The following DISC1 variants were observed in gnomAD, a reference collection of about 807,000 sequenced individuals.
The protein encoded by DISC1 is DISC1 scaffold protein.
A neutral mutation model predicts 84.5 loss-of-function variants in DISC1; 57 were observed. That is an observed-to-expected ratio of 0.67 (90% CI 0.55 to 0.84). The LOEUF (loss-of-function observed/expected upper bound fraction) is 0.84, where lower values mean the gene tolerates loss of function less well. Among genes scored for constraint, DISC1 ranks in the 40% least tolerant of loss-of-function variants. The probability of loss-of-function intolerance (pLI) is 0.00; values close to 1 mark genes in which losing one functional copy is unlikely to be tolerated. For synonymous variants in DISC1, 411 were observed against 415.2 expected, an observed-to-expected ratio of 0.99 and a Z score of 0.12; for missense variants, 1,000 against 1,057.8, an observed-to-expected ratio of 0.95 and a Z score of 0.76.
intron 4 of DISC1, among the ~76,000 whole-genome samples, chr1:231,757,881 G>A (rs534340762): frequency 4.0e-5 from 6 of 151,856 alleles, no homozygotes; most frequent in South Asian, 4.2e-4. Context: ...CCAATCCCTC[G>A]GCCTCCCTCC....
At chr1:231,650,214 C>G (rs1572502055) in intron 1 of DISC1, among the ~76,000 whole-genome samples, 1 of 152,172 alleles carries the variant, frequency 6.6e-6, no homozygotes, top group African/African-American at 2.4e-5. Context: ...TTGTTCCTTT[C>G]CATGTTTAGT....
rs374290063 is a variant in DISC1 at position 231,693,854 on chromosome 1, G to T, written c.96G>T (p.Ala32=). 7 of 1,613,804 alleles carry T rather than the reference G, an allele frequency of 4.3e-6. No homozygotes were observed. Among genetic ancestry groups the T allele is most frequent in the Non-Finnish European group, 4.2e-6 (5 of 1,180,032 alleles). ...GCCGGGATTGCTTACCACCTGCAGCGTGCTTTCGGAGGCGGCGGCTGGCAC... is the reference window on the plus strand; with the variant it reads ...GCCGGGATTGCTTACCACCTGCAGCTTGCTTTCGGAGGCGGCGGCTGGCAC... ...AGSRDCLPPA[A]CFRRRRLARR... is the part of the protein sequence containing the mutation. The change falls in exon 2 of 13, where the codon GCG becomes GCT. Residue 32 remains alanine (A), a synonymous_variant. Coordinates refer to ENST00000439617, the MANE Select transcript of DISC1 (RefSeq NM_018662.3).
chr1:231,924,972 T>A (rs63187660), intron 9 of DISC1, among the ~76,000 whole-genome samples: 13 of 134,942 alleles, frequency 9.6e-5, no homozygotes, highest in East Asian at 2.5e-4. Flanking sequence ...TTTTTTTTTT[T>A]AAATGATTCT....
At chr1:231,916,418 G>T (rs986824229) in intron 9 of DISC1, among the ~76,000 whole-genome samples, 1 of 151,944 alleles carries the variant, frequency 6.6e-6, no homozygotes, top group Non-Finnish European at 1.5e-5. Context: ...ACTTTGGGAG[G>T]CCGAGGCGGG....
chr1:231,878,095 T>A (rs2086026439), intron 9 of DISC1, among the ~76,000 whole-genome samples: 1 of 152,262 alleles, frequency 6.6e-6, no homozygotes, highest in Non-Finnish European at 1.5e-5. Flanking sequence ...CAGTTCATTC[T>A]TTTATTAATA....
intron 11 of DISC1, among the ~76,000 whole-genome samples, chr1:232,022,192 C>A (rs201482306): frequency 7.2e-5 from 11 of 152,124 alleles, no homozygotes; most frequent in Non-Finnish European, 1.5e-4. Flanking sequence ...TATGACCACA[C>A]CTACACTCTG....
intron 9 of DISC1, among the ~76,000 whole-genome samples, chr1:231,848,126 A>G (rs1056066131): frequency 2.0e-5 from 3 of 152,092 alleles, no homozygotes; most frequent in African/African-American, 7.2e-5. Context: ...GATTGTTTTA[A>G]CAAGCAGATG....
At chr1:231,673,781 G>C (rs369777696) in intron 1 of DISC1, among the ~76,000 whole-genome samples, 2 of 152,334 alleles carry the variant, frequency 1.3e-5, no homozygotes, top group South Asian at 2.1e-4. Flanking sequence ...CTCTTAGTAG[G>C]CTGGTTATTC....
intron 10 of DISC1, among the ~76,000 whole-genome samples, chr1:232,003,081 A>C (rs1294264877): frequency 6.6e-6 from 1 of 152,188 alleles, no homozygotes; most frequent in Non-Finnish European, 1.5e-5. Flanking sequence ...AAAATAGAAA[A>C]AAAGAAGGGA....
chr1:231,770,077 T>C (rs1035612687), intron 5 of DISC1, among the ~76,000 whole-genome samples: 1 of 152,048 alleles, frequency 6.6e-6, no homozygotes, highest in African/African-American at 2.4e-5. Flanking sequence ...AGGATTAGAG[T>C]TGCACTCTTA....
At chr1:231,876,369 A>G (rs1180720182) in intron 9 of DISC1, among the ~76,000 whole-genome samples, 7 of 152,162 alleles carry the variant, frequency 4.6e-5, no homozygotes, top group Non-Finnish European at 2.9e-5. Context: ...CCCAGAAACC[A>G]AGGAGATGCC....
At chr1:231,703,907 T>G (rs2066718401) in intron 3 of DISC1, among the ~76,000 whole-genome samples, 1 of 152,118 alleles carries the variant, frequency 6.6e-6, no homozygotes, top group Admixed American at 6.5e-5. Context: ...AAAACACTGG[T>G]GCAGAGTTTA....
At chr1:231,799,524 A>G (rs1197486689) in intron 7 of DISC1, among the ~76,000 whole-genome samples, 1 of 151,870 alleles carries the variant, frequency 6.6e-6, no homozygotes, top group Admixed American at 6.6e-5. Context: ...AAGCGGAGGG[A>G]GGGCCAAGGG....
intron 1 of DISC1, among the ~76,000 whole-genome samples, chr1:231,656,483 A>G (rs921815861): frequency 6.6e-6 from 1 of 152,170 alleles, no homozygotes; most frequent in African/African-American, 2.4e-5. Flanking sequence ...TTCTGATTAC[A>G]ATAGCCTTGC....
chr1:231,641,601 G>T (rs1287400217), intron 1 of DISC1, among the ~76,000 whole-genome samples: 1 of 152,196 alleles, frequency 6.6e-6, no homozygotes, highest in South Asian at 2.1e-4. Flanking sequence ...CGCTGCTGGC[G>T]CCTGCAGCCT....
At chr1:231,713,709 T>G (rs1443797891) in intron 3 of DISC1, among the ~76,000 whole-genome samples, 18 of 71,848 alleles carry the variant, frequency 2.5e-4, no homozygotes, top group African/African-American at 7.0e-4. Flanking sequence ...AGGAGATATA[T>G]ATATATATAT....
chr1:231,669,769 G>A (rs539111460), intron 1 of DISC1, among the ~76,000 whole-genome samples: 1,676 of 152,172 alleles, frequency 0.011, 16 homozygotes, highest in Non-Finnish European at 0.015. Context: ...ATATGCTGTC[G>A]GTGGGAGTGT....
At chr1:231,721,770 T>C (rs1055056776) in intron 3 of DISC1, among the ~76,000 whole-genome samples, 11 of 151,970 alleles carry the variant, frequency 7.2e-5, no homozygotes, top group Non-Finnish European at 1.6e-4. Context: ...TCCAGTAAGA[T>C]TTCATCTCAA....
intron 9 of DISC1, chr1:231,855,377 T>C (rs1194485716): frequency 1.9e-5 from 19 of 984,914 alleles, no homozygotes; most frequent in Non-Finnish European, 2.3e-5. Flanking sequence ...TAACTTTCCA[T>C]AAATGAGCTC....
Sources: allele counts gnomAD v4.1 joint callset (sites outside exome capture counted in the v4.1 genomes callset), GRCh38; gene constraint gnomAD v4.1.1; transcripts MANE v1.5; gene names NCBI Gene and HGNC (gene_info 2026-07-23, HGNC 2026-07-21).